Variants in CACNA1G observed in about 807,000 individuals in gnomAD.
CACNA1G encodes voltage-dependent T-type calcium channel subunit alpha-1G.
A neutral mutation model predicts 219.4 loss-of-function variants in CACNA1G; 67 were observed. The observed-to-expected ratio is 0.31, with a 90% CI of 0.25 to 0.37. The LOEUF (loss-of-function observed/expected upper bound fraction) is 0.37. Ranked by LOEUF, CACNA1G falls within the 10% of genes least tolerant of loss-of-function variation. CACNA1G has a pLI of 1.00. For synonymous variants in CACNA1G, 1,296 were observed against 1,345.3 expected, an observed-to-expected ratio of 0.96 and a Z score of 0.80; for missense variants, 2,380 against 3,231.4, an observed-to-expected ratio of 0.74 and a Z score of 6.39.
At chr17:50,615,275 G>A in intron 26 of CACNA1G, 86 bp from the exon 27 acceptor site, 1 of 1,297,968 alleles carries the variant, frequency 7.7e-7, no homozygotes, top group Admixed American at 2.7e-5. Context: ...TGGCGTTAGA[G>A]GCTGGTGGCT....
At chr17:50,613,849 C>A (rs55768061) in intron 26 of CACNA1G, among the ~76,000 whole-genome samples, 14 of 151,962 alleles carry the variant, frequency 9.2e-5, no homozygotes, top group African/African-American at 3.4e-4. Flanking sequence ...TCCACCATCG[C>A]GGTGTGGATG....
At position 50,572,043 on chromosome 17, in the gene CACNA1G, TGGTGGACAGGGTCCAGG is replaced by T; in HGVS notation, c.746+8_746+24del. 6.2e-7 allele frequency: 1 copy of T among 1,613,246 alleles called. No individual in the cohort carries two copies. The highest frequency in any genetic ancestry group is 1.1e-5 in the South Asian group (1 of 91,052). ...CTACCTGAGAATTTCAGCCTGTGAGTGGTGGACAGGGTCCAGGGAGGACCTGGGAGTGGTTATGGGGC... is the reference window on the plus strand; with the variant it reads ...CTACCTGAGAATTTCAGCCTGTGAGTGAGGACCTGGGAGTGGTTATGGGGC... On this transcript the variant is annotated splice_region_variant and intron_variant, in intron 5 of 37. Coordinates refer to ENST00000359106, the MANE Select transcript of CACNA1G (RefSeq NM_018896.5).
rs916080010 is a variant in CACNA1G at position 50,578,739 on chromosome 17, G to A, written c.2301+175G>A. On this transcript the variant is annotated intron_variant, in intron 9 of 37. Coordinates refer to ENST00000359106, the MANE Select transcript of CACNA1G (RefSeq NM_018896.5). The surrounding 1 kb of genome is among the most constrained non-coding windows in gnomAD (Gnocchi z 4.5). ...GAGCAATGCATGGGGATTCTCTAGAGGGAGTGCTTAAAGTCTCTGAGTATG... is the reference window on the plus strand; with the variant it reads ...GAGCAATGCATGGGGATTCTCTAGAAGGAGTGCTTAAAGTCTCTGAGTATG... Among the ~76,000 whole-genome samples the A allele has an allele frequency of 5.9e-5, 9 of 152,328 alleles. No individual in the cohort carries two copies. The South Asian group carries it at 1.2e-3, about 21-fold the overall frequency.
intron 9 of CACNA1G, among the ~76,000 whole-genome samples, chr17:50,585,600 G>C (rs2042840278): frequency 6.6e-6 from 1 of 152,152 alleles, no homozygotes; most frequent in Admixed American, 6.5e-5. Flanking sequence ...AGGAGGCCCT[G>C]GGGGCACCAT....
Position 50,621,642 on chromosome 17 carries a change from A to G in CACNA1G, c.5926-18A>G. 6.2e-7 allele frequency: 1 copy of G among 1,612,438 alleles called. No homozygotes were observed. The highest frequency in any genetic ancestry group is 1.1e-5 in the South Asian group (1 of 91,050). On this transcript the variant is annotated intron_variant, in intron 34 of 37. Transcript: ENST00000359106. This position sits in a 1 kb window ranked among gnomAD's most constrained non-coding sequence, Gnocchi z 4.6. ...CTGTCCTGGTTTCTCATGCCTGATC[A>G]TCTCTCTCCCTGTCTAGATCCCTCT...
intron 13 of CACNA1G, among the ~76,000 whole-genome samples, 156 bp downstream of exon 13, chr17:50,592,248 G>A: frequency 6.6e-6 from 1 of 152,174 alleles, no homozygotes; most frequent in Middle Eastern, 3.2e-3. Context: ...ACCAGGGCGG[G>A]AGGCTCCAGA....
chr17:50,571,407 G>A lies in CACNA1G; in HGVS notation c.587-471G>A, dbSNP rs556965860. ...TGACTGTGCCTGTTGAGAGAAGGAA[G>A]TAGGTAGGGAGTGTGCGTGTGAATG... On this transcript the variant is annotated intron_variant, in intron 4 of 37. Coordinates refer to ENST00000359106, the MANE Select transcript of CACNA1G (RefSeq NM_018896.5). The surrounding 1 kb of genome is among the most constrained non-coding windows in gnomAD (Gnocchi z 4.3). 1.3e-5 allele frequency among the ~76,000 whole-genome samples: 2 copies of A among 152,284 alleles called. No individual in the cohort carries two copies. Among genetic ancestry groups the A allele is most frequent in the East Asian group, 1.9e-4 (1 of 5,176 alleles).
intron 28 of CACNA1G, 138 bp downstream of exon 28, chr17:50,616,522 T>A: frequency 1.8e-6 from 1 of 548,046 alleles, no homozygotes; most frequent in East Asian, 3.1e-5. Context: ...GTGGCTGACG[T>A]AGGGGACTAG....
chr17:50,607,870 C>T lies in CACNA1G; in HGVS notation c.4556C>T (p.Ser1519Leu), dbSNP rs1369181328. The change falls in exon 25 of 38, where the codon TCG (serine) becomes TTG (leucine). Residue 1519 changes from serine to leucine, a missense_variant. Physicochemically the swap from Ser to Leu is moderately radical, Grantham distance 145 (BLOSUM62 -2). Coordinates refer to ENST00000359106, the MANE Select transcript of CACNA1G (RefSeq NM_018896.5). ...CCCTGGATGCTGCTGTACTTCATCT[C>T]GTTCCTGCTCATTGTGGCCTTCTTT... ...HNPWMLLYFI[S>L]FLLIVAFFVL... 3 of 1,614,044 alleles carry T rather than the reference C, an allele frequency of 1.9e-6. No individual in the cohort carries two copies. The highest frequency in any genetic ancestry group is 2.5e-6 in the Non-Finnish European group (3 of 1,179,906).
rs1449762398 is a variant in CACNA1G, at chr17:50,578,472, C to G, written c.2209C>G (p.Arg737Gly). The G allele has an allele frequency of 1.9e-6, 3 of 1,595,130 alleles. No homozygotes were observed. The African/African-American group carries it at 4.0e-5, about 22-fold the overall frequency. ...AFWRLICDTF[R>G]KIVDSKYFGR... The stretch of plus-strand genomic sequence containing the variant: ...CTGGAGGCTAATCTGTGACACCTTC[C>G]GAAAGATTGTGGACAGCAAGTACTT... Residue 737 changes from arginine (R) to glycine (G), a missense_variant, in exon 9 of 38, where the codon CGA (arginine) becomes GGA (glycine). Coordinates refer to ENST00000359106, the MANE Select transcript of CACNA1G (RefSeq NM_018896.5). The surrounding 1 kb of genome is among the most constrained non-coding windows in gnomAD (Gnocchi z 4.5).
chr17:50,576,812 C>T (rs1368828082), intron 8 of CACNA1G, among the ~76,000 whole-genome samples: 3 of 152,206 alleles, frequency 2.0e-5, no homozygotes, highest in South Asian at 2.1e-4. Context: ...TTGTGAGGCT[C>T]AGAGAGGAAA....
At chr17:50,615,292 G>T in intron 26 of CACNA1G, 69 bp from the exon 27 acceptor site, 2 of 1,392,634 alleles carry the variant, frequency 1.4e-6, no homozygotes, top group South Asian at 1.6e-5. Flanking sequence ...GGCTGTGAGG[G>T]ACTGGGGGTG....
At chr17:50,584,513 C>A (rs1378362386) in intron 9 of CACNA1G, among the ~76,000 whole-genome samples, 4 of 145,634 alleles carry the variant, frequency 2.7e-5, no homozygotes, top group Admixed American at 7.3e-5. Context: ...CCCACAGAAG[C>A]TTTCTGCTTT....
At chr17:50,606,137 C>A in intron 23 of CACNA1G, 114 bp downstream of exon 23, 2 of 1,365,134 alleles carry the variant, frequency 1.5e-6, no homozygotes, top group Non-Finnish European at 2.1e-6. Flanking sequence ...AAGAGATCAG[C>A]CCTTCACACC....
Position 50,575,984 on chromosome 17 carries a change from G to T in CACNA1G, c.1582G>T (p.Gly528Trp). The T allele has an allele frequency of 6.4e-7, 1 of 1,553,106 alleles. No homozygotes were observed. Among genetic ancestry groups the T allele is most frequent in the Non-Finnish European group, 8.7e-7 (1 of 1,148,638 alleles). ...SPEIQDRDAN[G>W]SRRLMLPPPS... The stretch of plus-strand genomic sequence containing the variant: ...GGAGATCCAGGACAGGGATGCCAAT[G>T]GGTCCCGCCGGCTCATGCTGCCACC... Residue 528 changes from glycine (G) to tryptophan (W), a missense_variant, in exon 8 of 38, where the codon GGG becomes TGG. This residue lies in a region of CACNA1G where 434 missense variants were observed against 417.3 expected (regional missense o/e 1.04). Transcript: ENST00000359106.
intron 9 of CACNA1G, among the ~76,000 whole-genome samples, chr17:50,583,811 T>C (rs1018320478): frequency 3.3e-5 from 5 of 151,966 alleles, no homozygotes; most frequent in African/African-American, 9.7e-5. Flanking sequence ...TGAGCAGTGA[T>C]TGATGTTAGC....
intron 1 of CACNA1G, among the ~76,000 whole-genome samples, chr17:50,567,518 C>G (rs2038230804): frequency 6.6e-6 from 1 of 152,074 alleles, no homozygotes; most frequent in Non-Finnish European, 1.5e-5. Context: ...CTGCTGGCCT[C>G]TTCATGCCTG....
At chr17:50,623,187 C>G (rs1457482482) in intron 35 of CACNA1G, among the ~76,000 whole-genome samples, 3 of 150,680 alleles carry the variant, frequency 2.0e-5, no homozygotes, top group Non-Finnish European at 4.4e-5. Context: ...CTTTGACCCC[C>G]CCGGCTCAAG....
Position 50,626,567 on chromosome 17 carries a change from A to G in CACNA1G, c.6950A>G (p.Glu2317Gly), listed in dbSNP as rs1210460063. ...SPPSITIDPP[E>G]SQGPRTPPSP... is the part of the protein sequence containing the mutation. ...CCTAGTATCACCATAGACCCCCCCG[A>G]GAGCCAAGGTCCTCGGACCCCGCCC... Residue 2317 changes from glutamate to glycine, a missense_variant, in exon 38 of 38, where the codon GAG becomes GGG. Glu to Gly is a moderately conservative substitution (Grantham distance 98, BLOSUM62 -2). Transcript: ENST00000359106. This position sits in a 1 kb window ranked among gnomAD's most constrained non-coding sequence, Gnocchi z 4.3. The G allele has an allele frequency of 6.3e-7, 1 of 1,595,506 alleles. No individual in the cohort carries two copies. The highest frequency in any genetic ancestry group is 8.5e-7 in the Non-Finnish European group (1 of 1,172,528).
Sources: allele counts gnomAD v4.1 joint callset (sites outside exome capture counted in the v4.1 genomes callset), GRCh38; gene constraint gnomAD v4.1.1; regional missense constraint gnomAD v4.1.1; non-coding constraint Gnocchi (gnomAD v3.1); transcripts MANE v1.5; gene names NCBI Gene and HGNC (gene_info 2026-07-23, HGNC 2026-07-21).